PSD3: variants seen among roughly 807,000 people sequenced by gnomAD.
PSD3 encodes the protein pleckstrin and Sec7 domain containing 3.
In PSD3, 49 loss-of-function variants were observed where a neutral mutation model predicts 105.5. That is an observed-to-expected ratio of 0.46 (90% CI 0.37 to 0.59). PSD3 has a LOEUF of 0.59. Ranked by LOEUF, PSD3 falls within the 20% of genes least tolerant of loss-of-function variation. The pLI is 0.00. For synonymous variants in PSD3, 557 were observed against 457.8 expected, an observed-to-expected ratio of 1.22 and a Z score of -2.77; for missense variants, 1,561 against 1,263.8, an observed-to-expected ratio of 1.24 and a Z score of -3.57.
chr8:18,735,170 T>C (rs1206774633), intron 9 of PSD3, among the ~76,000 whole-genome samples: 1 of 152,124 alleles, frequency 6.6e-6, no homozygotes, highest in Non-Finnish European at 1.5e-5. Flanking sequence ...TCTCCTCTGA[T>C]CATCAGTGGG....
chr8:18,970,100 C>T (rs1008586296), intron 1 of PSD3, among the ~76,000 whole-genome samples: 12 of 151,216 alleles, frequency 7.9e-5, no homozygotes, highest in South Asian at 2.1e-4. Context: ...CCAAGTTGGG[C>T]GGATCACGAG....
intron 1 of PSD3, among the ~76,000 whole-genome samples, chr8:18,952,361 C>T (rs1010022484): frequency 3.4e-5 from 5 of 147,148 alleles, no homozygotes; most frequent in Admixed American, 2.0e-4. Context: ...GACCTAAAAA[C>T]GGACTTGTTT....
chr8:19,053,784 G>A (rs945257297), intron 1 of PSD3, among the ~76,000 whole-genome samples: 1 of 152,180 alleles, frequency 6.6e-6, no homozygotes, highest in Admixed American at 6.5e-5. Context: ...AGATCTGTGA[G>A]GGAAGGATTT....
chr8:18,921,259 T>G (rs1310206726), intron 2 of PSD3, among the ~76,000 whole-genome samples: 1 of 152,236 alleles, frequency 6.6e-6, no homozygotes, highest in Admixed American at 6.5e-5. Flanking sequence ...ACAGTTTAAA[T>G]GTATTAAATG....
At chr8:19,055,478 C>G (rs1178118933) in intron 1 of PSD3, among the ~76,000 whole-genome samples, 1 of 152,186 alleles carries the variant, frequency 6.6e-6, no homozygotes, top group African/African-American at 2.4e-5. Flanking sequence ...GTCTCGAACT[C>G]CTGACCTCAG....
At chr8:18,933,806 A>C (rs913964292) in intron 2 of PSD3, among the ~76,000 whole-genome samples, 1 of 152,162 alleles carries the variant, frequency 6.6e-6, no homozygotes, top group Admixed American at 6.5e-5. Flanking sequence ...GATAACTATA[A>C]TCAGTACCCT....
intron 1 of PSD3, 82 bp downstream of exon 1, chr8:19,013,481 G>A (rs913971653): frequency 1.2e-5 from 18 of 1,563,332 alleles, no homozygotes; most frequent in Non-Finnish European, 1.7e-6. Flanking sequence ...GGGACAGAGC[G>A]GCGACAAAGC....
Position 18,868,006 on chromosome 8 carries a change from C to T in PSD3, c.1302G>A (p.Thr434=), listed in dbSNP as rs370993787. The change falls in exon 4 of 16, where the codon ACG becomes ACA. Residue 434 remains threonine (T), a synonymous_variant. Coordinates refer to ENST00000327040, the MANE Select transcript of PSD3 (RefSeq NM_015310.4). ...EDEDILGPGY[T]EDSTDVYSSQ... ...AGCTGTACACGTCGGTGGAGTCCTC[C>T]GTATATCCAGGCCCAAGGATGTCTT... The T allele has an allele frequency of 5.6e-6, 9 of 1,613,948 alleles. No individual in the cohort carries two copies. Among genetic ancestry groups the T allele is most frequent in the Middle Eastern group, 1.6e-4 (1 of 6,082 alleles).
chr8:18,883,471 A>T (rs1458451014), intron 2 of PSD3, among the ~76,000 whole-genome samples: 1 of 152,166 alleles, frequency 6.6e-6, no homozygotes, highest in Non-Finnish European at 1.5e-5. Context: ...TTTACAGCTC[A>T]TAGTAAATTT....
intron 10 of PSD3, 82 bp downstream of exon 10, chr8:18,655,560 C>T (rs1372233271): frequency 7.6e-7 from 1 of 1,311,028 alleles, no homozygotes; most frequent in Non-Finnish European, 1.1e-6. Flanking sequence ...TAATCCTTCT[C>T]TAAGATCACT....
intron 9 of PSD3, among the ~76,000 whole-genome samples, chr8:18,707,899 T>C (rs1312166497): frequency 6.6e-6 from 1 of 152,352 alleles, no homozygotes; most frequent in African/African-American, 2.4e-5. Context: ...CTGCAGTATG[T>C]GGCCAAGTAG....
chr8:19,020,992 A>G (rs950097106), intron 1 of PSD3, among the ~76,000 whole-genome samples: 6 of 152,318 alleles, frequency 3.9e-5, no homozygotes, highest in African/African-American at 1.4e-4. Flanking sequence ...ACCAGAATTC[A>G]GGGGACAGGT....
intron 9 of PSD3, among the ~76,000 whole-genome samples, chr8:18,680,004 A>C (rs1289277438): frequency 6.6e-6 from 1 of 152,224 alleles, no homozygotes; most frequent in Non-Finnish European, 1.5e-5. Context: ...CTACAACAAC[A>C]TAAAGAAACA....
intron 1 of PSD3, among the ~76,000 whole-genome samples, chr8:19,024,919 A>G (rs145740618): frequency 1.3e-5 from 2 of 152,290 alleles, no homozygotes; most frequent in African/African-American, 4.8e-5. Context: ...AAACATAAGT[A>G]AAGTGTCTGT....
Position 18,575,237 on chromosome 8 carries a change from C to T in PSD3, c.2530G>A (p.Ala844Thr), listed in dbSNP as rs758249050. The change falls in exon 13 of 16, where the codon GCT (alanine) becomes ACT (threonine). Residue 844 changes from alanine to threonine, a missense_variant. Coordinates refer to ENST00000327040, the MANE Select transcript of PSD3 (RefSeq NM_015310.4). ...KALSEEDLKN[A>T]VSVHHALASK... ...GCCAATGCGTGGTGCACACTCACAG[C>T]GTTTTTCAAGTCCTCTTCAGACAAG... 12 of 1,613,070 alleles carry T rather than the reference C, an allele frequency of 7.4e-6. No homozygotes were observed. Among genetic ancestry groups the T allele is most frequent in the East Asian group, 2.2e-5 (1 of 44,834 alleles).
intron 11 of PSD3, among the ~76,000 whole-genome samples, chr8:18,631,276 T>A (rs899009823): frequency 2.0e-5 from 3 of 152,040 alleles, no homozygotes; most frequent in Non-Finnish European, 4.4e-5. Flanking sequence ...TTGCTTTGTG[T>A]GCCAAGAACT....
chr8:18,722,720 C>T (rs992096873), intron 9 of PSD3, among the ~76,000 whole-genome samples: 7 of 152,098 alleles, frequency 4.6e-5, no homozygotes, highest in Non-Finnish European at 1.0e-4. Flanking sequence ...GCATACTGAC[C>T]TCTTCGGCCT....
chr8:18,892,273 G>GGCAAC (rs1818841490), intron 2 of PSD3, among the ~76,000 whole-genome samples: 2 of 151,532 alleles, frequency 1.3e-5, no homozygotes, highest in Non-Finnish European at 2.9e-5. Context: ...GCCCAGGCTG[G>GGCAAC]AGTGCAGTGG....
At chr8:19,063,415 G>A (rs1367155229) in intron 1 of PSD3, among the ~76,000 whole-genome samples, 8 of 152,318 alleles carry the variant, frequency 5.3e-5, no homozygotes, top group African/African-American at 1.9e-4. Flanking sequence ...GGATATTTGT[G>A]ATAATTGTGG....
Sources: gnomAD v4.1 joint callset for allele counts (sites outside exome capture counted in the v4.1 genomes callset) on GRCh38, gnomAD v4.1.1 for gene constraint, MANE v1.5 for transcripts, NCBI Gene and HGNC (gene_info 2026-07-23, HGNC 2026-07-21) for gene names.